The following STK32B variants were observed in gnomAD, a reference collection of about 807,000 sequenced individuals.
STK32B encodes serine/threonine-protein kinase 32B.
Under a neutral mutation model 52.6 loss-of-function variants are expected in STK32B, and 43 were observed. That is an observed-to-expected ratio of 0.82 (90% CI 0.64 to 1.05). STK32B has a LOEUF of 1.05. STK32B is among the 50% of genes least tolerant of loss of function. The pLI is 0.00. For synonymous variants in STK32B, 238 were observed against 204.3 expected, an observed-to-expected ratio of 1.17 and a Z score of -1.41; for missense variants, 621 against 534.6, an observed-to-expected ratio of 1.16 and a Z score of -1.59.
chr4:5,369,372 C>T (rs981199332), intron 4 of STK32B, among the ~76,000 whole-genome samples: 1 of 152,024 alleles, frequency 6.6e-6, no homozygotes, highest in African/African-American at 2.4e-5. Context: ...CCACAGTCAT[C>T]TAGGAGCCAA....
rs1352713397 is a variant in STK32B, at chr4:5,168,401, G to A, written c.211G>A (p.Glu71Lys). The A allele has an allele frequency of 6.2e-7, 1 of 1,613,930 alleles. No homozygotes were observed. The highest frequency in any genetic ancestry group is 1.3e-5 in the African/African-American group (1 of 75,016). The stretch of plus-strand genomic sequence containing the variant: ...GGATGAGGTTCGGAATGTTTTCCGG[G>A]AGCTGCAGATCATGCAAGGGCTGGA... Reference protein sequence around the residue: ...ERDEVRNVFRELQIMQGLEHP... With the variant: ...ERDEVRNVFRKLQIMQGLEHP... The change falls in exon 3 of 12, where the codon GAG becomes AAG. Residue 71 changes from glutamate to lysine, a missense_variant. By Grantham distance (56) the Glu-to-Lys change is moderately conservative. Transcript: ENST00000282908.
At chr4:5,337,666 A>G (rs1732796567) in intron 4 of STK32B, among the ~76,000 whole-genome samples, 2 of 152,056 alleles carry the variant, frequency 1.3e-5, no homozygotes, top group Admixed American at 1.3e-4. Flanking sequence ...TGAGAGATTT[A>G]TTTAGCTGGT....
intron 11 of STK32B, among the ~76,000 whole-genome samples, chr4:5,474,079 A>G (rs1426475301): frequency 1.3e-5 from 2 of 152,004 alleles, no homozygotes; most frequent in African/African-American, 4.8e-5. Flanking sequence ...GCGCCACTGC[A>G]CTCCAGCCTG....
intron 4 of STK32B, among the ~76,000 whole-genome samples, chr4:5,335,123 G>C (rs1732562422): frequency 6.6e-6 from 1 of 151,996 alleles, no homozygotes; most frequent in African/African-American, 2.4e-5. Context: ...CTTTTTTGTT[G>C]GTAAGCTATT....
chr4:5,048,133 T>TA, upstream of STK32B, among the ~76,000 whole-genome samples: 1 of 151,728 alleles, frequency 6.6e-6, no homozygotes, highest in East Asian at 1.9e-4. Context: ...TTTTTTTTTT[T>TA]ACTTGTTTGT....
chr4:5,087,926 A>G (rs1712827202), intron 1 of STK32B, among the ~76,000 whole-genome samples: 1 of 152,088 alleles, frequency 6.6e-6, no homozygotes, highest in Admixed American at 6.5e-5. Flanking sequence ...AAAGACTTGA[A>G]CAATATAAAT....
intron 1 of STK32B, among the ~76,000 whole-genome samples, chr4:5,124,994 A>G (rs1416753437): frequency 6.6e-6 from 1 of 152,218 alleles, no homozygotes; most frequent in African/African-American, 2.4e-5. Flanking sequence ...ATTAGCAGAA[A>G]GGAAAGTAAG....
chr4:5,285,087 G>A (rs1211316776), intron 3 of STK32B, among the ~76,000 whole-genome samples: 1 of 152,114 alleles, frequency 6.6e-6, no homozygotes, highest in East Asian at 1.9e-4. Context: ...TTTCTCTTAA[G>A]ATTGTCATAA....
chr4:5,347,443 A>G (rs1231284996), intron 4 of STK32B, among the ~76,000 whole-genome samples: 1 of 152,238 alleles, frequency 6.6e-6, no homozygotes, highest in African/African-American at 2.4e-5. Context: ...ATTGTGGTGC[A>G]GATTGAATTA....
rs570775747 is a variant in STK32B at position 5,171,151 on chromosome 4, GTTGT to G, written c.260+2708_260+2711del. On this transcript the variant is annotated intron_variant, in intron 3 of 11. Transcript: ENST00000282908. ...TATCCTTTGCCCACTTTTTGATGGG[GTTGT>G]TTGTTTTTTTCTTGTAAATTTGTTT... Among the ~76,000 whole-genome samples the G allele has an allele frequency of 2.1e-3, 325 of 151,926 alleles. 5 individuals are homozygous for G. Among genetic ancestry groups the G allele is most frequent in the Admixed American group, 0.017 (253 of 15,238 alleles).
chr4:5,240,176 A>C (rs924301483), intron 3 of STK32B, among the ~76,000 whole-genome samples: 1 of 150,510 alleles, frequency 6.6e-6, no homozygotes, highest in Non-Finnish European at 1.5e-5. Context: ...CTTGGGGTTC[A>C]TGGAATTTTT....
At chr4:5,122,943 A>T (rs770362568) in intron 1 of STK32B, among the ~76,000 whole-genome samples, 3 of 150,568 alleles carry the variant, frequency 2.0e-5, no homozygotes, top group Non-Finnish European at 3.0e-5. Context: ...CCCTGCCTTG[A>T]CTCTCTATTT....
chr4:5,180,086 C>G (rs1181986324), intron 3 of STK32B, among the ~76,000 whole-genome samples: 2 of 152,180 alleles, frequency 1.3e-5, no homozygotes, highest in Non-Finnish European at 2.9e-5. Flanking sequence ...CAGAAGAAAA[C>G]AAGTAGAGTC....
At chr4:5,232,596 G>A (rs1444316559) in intron 3 of STK32B, among the ~76,000 whole-genome samples, 3 of 152,230 alleles carry the variant, frequency 2.0e-5, no homozygotes, top group Non-Finnish European at 4.4e-5. Flanking sequence ...TACTGCACCT[G>A]TTCCCTGGGC....
At chr4:5,070,782 A>T (rs1711720478) in intron 1 of STK32B, among the ~76,000 whole-genome samples, 1 of 152,132 alleles carries the variant, frequency 6.6e-6, no homozygotes, top group Non-Finnish European at 1.5e-5. Flanking sequence ...GGAACAGAAC[A>T]TGCAGCCTTT....
rs200220812 is a variant in STK32B, at chr4:5,244,517, G to GA, written c.260+76073dup. On this transcript the variant is annotated intron_variant, in intron 3 of 11. Coordinates refer to ENST00000282908, the MANE Select transcript of STK32B (RefSeq NM_018401.3). ...GGTCTATCAATTTTGTTGATCTTTT[G>GA]AAAAAACTAGCTCCTGGATTCATTG... is the stretch of plus-strand genomic sequence containing the variant. 4.6e-3 allele frequency among the ~76,000 whole-genome samples: 698 copies of GA among 151,876 alleles called. 2 individuals are homozygous for GA. Among genetic ancestry groups the GA allele is most frequent in the African/African-American group, 0.015 (633 of 41,448 alleles).
rs749847581 is a variant in STK32B at position 5,498,972 on chromosome 4, C to T, written c.1134C>T (p.Ser378=). 1.2e-5 allele frequency: 19 copies of T among 1,613,432 alleles called. No homozygotes were observed. The East Asian group carries it at 4.0e-4, about 34-fold the overall frequency. The change falls in exon 12 of 12, where the codon AGC becomes AGT. Residue 378 remains serine, a synonymous_variant. Transcript: ENST00000282908. The part of the protein sequence containing the change: ...EKLRRQQGQG[S]QLLDTDSRGG... ...TCAGGAGGCAGCAGGGACAGGGCAG[C>T]CAGCTCTTGGACACCGACAGCCGAG...
chr4:5,350,283 A>G (rs889857121), intron 4 of STK32B, among the ~76,000 whole-genome samples: 1 of 152,170 alleles, frequency 6.6e-6, no homozygotes, highest in Non-Finnish European at 1.5e-5. Flanking sequence ...AAAATATTTA[A>G]AACTGCAAGT....
chr4:5,323,617 C>T (rs1409077744), intron 3 of STK32B, among the ~76,000 whole-genome samples: 2 of 152,190 alleles, frequency 1.3e-5, no homozygotes, highest in Non-Finnish European at 2.9e-5. Flanking sequence ...ACCCTCTACC[C>T]TCTGTCTTTT....
Sources: gnomAD v4.1 joint callset for allele counts (sites outside exome capture counted in the v4.1 genomes callset) on GRCh38, gnomAD v4.1.1 for gene constraint, MANE v1.5 for transcripts, NCBI Gene and HGNC (gene_info 2026-07-23, HGNC 2026-07-21) for gene names.